Variants in CERS6 observed in about 807,000 individuals in gnomAD.
The protein encoded by CERS6 is ceramide synthase 6.
A neutral mutation model predicts 56.8 loss-of-function variants in CERS6; 26 were observed. The observed-to-expected ratio is 0.46, with a 90% CI of 0.34 to 0.63. CERS6 has a LOEUF of 0.63. CERS6 is among the 30% of genes least tolerant of loss of function. The pLI, the probability that CERS6 is intolerant of heterozygous loss-of-function variation, is 0.01. For missense variants in CERS6, 415 were observed against 467.5 expected, an observed-to-expected ratio of 0.89 and a Z score of 1.04; for synonymous variants, 164 against 173.3, an observed-to-expected ratio of 0.95 and a Z score of 0.42.
Position 168,558,697 on chromosome 2 carries a change from G to A in CERS6, c.277-2495G>A, listed in dbSNP as rs369947893. 2.0e-3 allele frequency among the ~76,000 whole-genome samples: 301 copies of A among 152,264 alleles called. 1 individual carries two copies. The highest frequency in any genetic ancestry group is 6.3e-3 in the African/African-American group (261 of 41,548). Reference sequence around the variant, plus strand: ...ATCCTGGCTAACACAGTGAAACCCCGTCTCTACTAAAAATACAAAAAATTA... The same window carrying A: ...ATCCTGGCTAACACAGTGAAACCCCATCTCTACTAAAAATACAAAAAATTA... On this transcript the variant is annotated intron_variant, in intron 2 of 9. Transcript: ENST00000305747.
intron 7 of CERS6, among the ~76,000 whole-genome samples, chr2:168,717,535 C>T (rs769289727): frequency 6.6e-6 from 1 of 152,190 alleles, no homozygotes; most frequent in African/African-American, 2.4e-5. Flanking sequence ...CTCTGGCTTG[C>T]TAGTATCATC....
intron 4 of CERS6, among the ~76,000 whole-genome samples, chr2:168,675,483 G>A (rs1290859228): frequency 6.6e-6 from 1 of 151,878 alleles, no homozygotes; most frequent in Admixed American, 6.5e-5. Flanking sequence ...CTACTTGGGG[G>A]GCTGAGGCAG....
chr2:168,731,896 A>T (rs1026389076), intron 8 of CERS6, among the ~76,000 whole-genome samples: 21 of 152,210 alleles, frequency 1.4e-4, no homozygotes, highest in African/African-American at 5.1e-4. Flanking sequence ...CCTTTCCTAG[A>T]ACACTGCATT....
At chr2:168,518,440 A>G (rs1694921395) in intron 1 of CERS6, among the ~76,000 whole-genome samples, 1 of 152,168 alleles carries the variant, frequency 6.6e-6, no homozygotes, top group Non-Finnish European at 1.5e-5. Context: ...AATCTATGGG[A>G]TTTCTGAATA....
chr2:168,567,469 G>C (rs1008742224), intron 3 of CERS6, among the ~76,000 whole-genome samples: 2 of 152,186 alleles, frequency 1.3e-5, no homozygotes, highest in African/African-American at 4.8e-5. Flanking sequence ...GTGCATGGCT[G>C]TGTTCCAGTA....
intron 4 of CERS6, among the ~76,000 whole-genome samples, chr2:168,633,487 C>T (rs934421049): frequency 6.6e-6 from 1 of 152,144 alleles, no homozygotes; most frequent in African/African-American, 2.4e-5. Context: ...TGACAAGAAA[C>T]ACATGCTCCT....
chr2:168,563,714 A>G (rs1044047835), intron 3 of CERS6, among the ~76,000 whole-genome samples: 13 of 152,130 alleles, frequency 8.5e-5, no homozygotes, highest in Non-Finnish European at 1.9e-4. Context: ...GGAGAATGGC[A>G]TGAACCCGGG....
At chr2:168,662,591 C>T (rs1192863394) in intron 4 of CERS6, among the ~76,000 whole-genome samples, 2 of 152,098 alleles carry the variant, frequency 1.3e-5, no homozygotes, top group East Asian at 1.9e-4. Context: ...ATTAGCTGGG[C>T]GTGGTGGCGG....
At chr2:168,757,934 A>G (rs1252277997) in intron 8 of CERS6, among the ~76,000 whole-genome samples, 1 of 152,164 alleles carries the variant, frequency 6.6e-6, no homozygotes, top group Non-Finnish European at 1.5e-5. Flanking sequence ...GCCTTGTAAT[A>G]GCCTTGATGT....
chr2:168,695,086 A>G, intron 6 of CERS6, 35 bp downstream of exon 6: 8 of 1,544,820 alleles, frequency 5.2e-6, no homozygotes, highest in Non-Finnish European at 7.2e-6. Flanking sequence ...GCTTGCAAGC[A>G]TGCATCTTTA....
chr2:168,668,201 T>G (rs1038762851), intron 4 of CERS6, among the ~76,000 whole-genome samples: 1 of 152,180 alleles, frequency 6.6e-6, no homozygotes, highest in African/African-American at 2.4e-5. Context: ...ATAGGTAATC[T>G]CAAATGTTCT....
intron 8 of CERS6, among the ~76,000 whole-genome samples, chr2:168,747,072 A>T (rs1297519361): frequency 6.6e-6 from 1 of 151,874 alleles, no homozygotes; most frequent in African/African-American, 2.4e-5. Flanking sequence ...ACTGTACGTA[A>T]TTTTTAATCT....
intron 1 of CERS6, among the ~76,000 whole-genome samples, chr2:168,490,720 C>CGAGA (rs141176702): frequency 3.3e-5 from 5 of 150,534 alleles, no homozygotes; most frequent in African/African-American, 9.7e-5. Context: ...TTTTAAAAAG[C>CGAGA]GAGAGAGAGA....
intron 4 of CERS6, among the ~76,000 whole-genome samples, chr2:168,647,839 C>A (rs1685242460): frequency 6.6e-6 from 1 of 152,160 alleles, no homozygotes; most frequent in African/African-American, 2.4e-5. Flanking sequence ...GTTGAACCAA[C>A]TTTGCATCCC....
chr2:168,477,399 T>C (rs1215559561), intron 1 of CERS6, among the ~76,000 whole-genome samples: 1 of 152,216 alleles, frequency 6.6e-6, no homozygotes. Context: ...CTATATAAGC[T>C]CATTTGCACT....
intron 4 of CERS6, among the ~76,000 whole-genome samples, chr2:168,671,444 G>C (rs1685915254): frequency 6.6e-6 from 1 of 152,138 alleles, no homozygotes; most frequent in African/African-American, 2.4e-5. Flanking sequence ...GCTTGTTATA[G>C]ATGCCAATTT....
chr2:168,485,560 TTTGTC>T (rs1694261643), intron 1 of CERS6, among the ~76,000 whole-genome samples: 1 of 152,172 alleles, frequency 6.6e-6, no homozygotes, highest in African/African-American at 2.4e-5. Flanking sequence ...TATCTATGGT[TTTGTC>T]TTTTCCAGAA....
At chr2:168,655,314 G>A (rs890351686) in intron 4 of CERS6, among the ~76,000 whole-genome samples, 1 of 152,228 alleles carries the variant, frequency 6.6e-6, no homozygotes, top group African/African-American at 2.4e-5. Context: ...GTAGAAAACA[G>A]TGTGAAGTTT....
chr2:168,738,284 T>G (rs1683776853), intron 8 of CERS6, among the ~76,000 whole-genome samples: 1 of 152,196 alleles, frequency 6.6e-6, no homozygotes, highest in Admixed American at 6.5e-5. Context: ...GGAAGAGGTG[T>G]GAATCAGCTT....
Sources: allele counts gnomAD v4.1 joint callset (sites outside exome capture counted in the v4.1 genomes callset), GRCh38; gene constraint gnomAD v4.1.1; transcripts MANE v1.5; gene names NCBI Gene and HGNC (gene_info 2026-07-23, HGNC 2026-07-21).